The following LRRC49 variants were observed in gnomAD, a reference collection of about 807,000 sequenced individuals.
LRRC49 encodes leucine rich repeat containing 49.
LRRC49 carries 50 observed loss-of-function variants against 83.3 expected under a neutral mutation model. That is an observed-to-expected ratio of 0.60 (90% CI 0.48 to 0.76). The LOEUF is 0.76. Ranked by LOEUF, LRRC49 falls within the 30% of genes least tolerant of loss-of-function variation. The probability of loss-of-function intolerance (pLI) is 0.00; values close to 1 mark genes in which losing one functional copy is unlikely to be tolerated. For missense variants in LRRC49, 704 were observed against 809.1 expected (o/e 0.87, Z 1.58); for synonymous variants, 286 against 283.3 (o/e 1.01, Z -0.10).
At chr15:70,882,802 C>G in intron 2 of LRRC49, 1 of 1,614,110 alleles carries the variant, frequency 6.2e-7, no homozygotes, top group Non-Finnish European at 8.5e-7. Context: ...AATTTGTGTA[C>G]TTTTATGCAC....
At chr15:70,926,682 CA>C (rs1170393844) in intron 7 of LRRC49, among the ~76,000 whole-genome samples, 5 of 151,682 alleles carry the variant, frequency 3.3e-5, no homozygotes, top group African/African-American at 1.2e-4. Flanking sequence ...CCCCACCCCA[CA>C]ACAGGCCCCA....
At chr15:70,886,264 G>T (rs1451291508) in intron 2 of LRRC49, among the ~76,000 whole-genome samples, 4 of 152,094 alleles carry the variant, frequency 2.6e-5, no homozygotes, top group South Asian at 4.1e-4. Flanking sequence ...TTAATATCAT[G>T]CAAAAGGTAT....
At chr15:70,904,479 C>T (rs921969311) in intron 4 of LRRC49, 73 bp from the exon 5 acceptor site, 7 of 1,000,160 alleles carry the variant, frequency 7.0e-6, no homozygotes, top group Admixed American at 2.0e-5. Flanking sequence ...CACAAAGATA[C>T]TACTAATAAT....
At chr15:70,914,294 A>G (rs919160459) in intron 6 of LRRC49, among the ~76,000 whole-genome samples, 8 of 152,170 alleles carry the variant, frequency 5.3e-5, no homozygotes, top group African/African-American at 1.9e-4. Flanking sequence ...TCTTATAGTA[A>G]AGAAGCTAAA....
At chr15:70,892,761 G>T, upstream of LRRC49, 1 of 1,580,054 alleles carries the variant, frequency 6.3e-7, no homozygotes, top group South Asian at 1.2e-5. Flanking sequence ...GAGAGGTCCA[G>T]ACCGGAAATG....
chr15:71,024,596 T>C (rs547867704), intron 14 of LRRC49, among the ~76,000 whole-genome samples: 1 of 150,254 alleles, frequency 6.7e-6, no homozygotes, highest in East Asian at 2.0e-4. Flanking sequence ...AAGAACCCCA[T>C]CCAAAGGTCA....
At chr15:70,875,001 T>C (rs2033122568) in intron 2 of LRRC49, among the ~76,000 whole-genome samples, 1 of 152,252 alleles carries the variant, frequency 6.6e-6, no homozygotes, top group South Asian at 2.1e-4. Context: ...CACATCCAGC[T>C]TCATTATTCA....
At chr15:71,032,718 A>G (rs1184894002) in intron 14 of LRRC49, among the ~76,000 whole-genome samples, 3 of 152,158 alleles carry the variant, frequency 2.0e-5, no homozygotes, top group Non-Finnish European at 4.4e-5. Flanking sequence ...TAGGCAAATC[A>G]ATAAACGTAA....
intron 14 of LRRC49, among the ~76,000 whole-genome samples, chr15:71,027,317 C>A (rs915601732): frequency 1.3e-5 from 2 of 152,114 alleles, no homozygotes; most frequent in Non-Finnish European, 2.9e-5. Flanking sequence ...TGTTTTGGTA[C>A]CAGTACCATG....
intron 14 of LRRC49, among the ~76,000 whole-genome samples, chr15:71,015,328 A>G (rs1336541940): frequency 2.0e-5 from 3 of 152,148 alleles, no homozygotes; most frequent in African/African-American, 7.2e-5. Context: ...GTGACAGACA[A>G]TTTTGCCATG....
intron 8 of LRRC49, among the ~76,000 whole-genome samples, chr15:70,962,146 T>G (rs2036624169): frequency 1.3e-5 from 2 of 152,162 alleles, no homozygotes; most frequent in South Asian, 4.1e-4. Context: ...ACATACATAT[T>G]GGAATTGAAT....
At chr15:70,871,845 G>A (rs1361228256) in intron 1 of LRRC49, among the ~76,000 whole-genome samples, 2 of 150,616 alleles carry the variant, frequency 1.3e-5, no homozygotes, top group Non-Finnish European at 3.0e-5. Context: ...ATGGGCGGCC[G>A]GGCAGAGACG....
chr15:70,861,691 AGCTTTACCT>A (rs1048945939), intron 1 of LRRC49, among the ~76,000 whole-genome samples: 4 of 152,208 alleles, frequency 2.6e-5, no homozygotes, highest in Non-Finnish European at 5.9e-5. Flanking sequence ...AGTATATTCA[AGCTTTACCT>A]GCCATTTATG....
At chr15:70,961,497 C>G (rs1390440331) in intron 8 of LRRC49, among the ~76,000 whole-genome samples, 1 of 152,246 alleles carries the variant, frequency 6.6e-6, no homozygotes, top group South Asian at 2.1e-4. Flanking sequence ...TGGAAGCAGC[C>G]AAGATGTCCT....
chr15:70,876,627 C>A (rs2033157820), intron 2 of LRRC49, among the ~76,000 whole-genome samples: 1 of 152,136 alleles, frequency 6.6e-6, no homozygotes, highest in South Asian at 2.1e-4. Flanking sequence ...GTTCTTGTTA[C>A]CCACACTTGA....
intron 12 of LRRC49, chr15:71,009,565 CTG>C (rs1306559932): frequency 1.2e-5 from 4 of 342,208 alleles, no homozygotes; most frequent in Non-Finnish European, 2.1e-5. Flanking sequence ...ATAAGTGAGA[CTG>C]TCATTTGTAG....
At chr15:70,959,296 C>G (rs1221741678) in intron 8 of LRRC49, among the ~76,000 whole-genome samples, 1 of 152,016 alleles carries the variant, frequency 6.6e-6, no homozygotes, top group African/African-American at 2.4e-5. Context: ...AGTTCAAGAC[C>G]AGCCTGGCCA....
At chr15:70,966,274 T>C (rs767725569) in intron 9 of LRRC49, among the ~76,000 whole-genome samples, 14 of 152,142 alleles carry the variant, frequency 9.2e-5, no homozygotes, top group Non-Finnish European at 7.4e-5. Context: ...CAGAGGATGC[T>C]GCAGTGAACT....
chr15:70,873,687 T>C (rs933474357), intron 2 of LRRC49, among the ~76,000 whole-genome samples: 1 of 152,162 alleles, frequency 6.6e-6, no homozygotes, highest in African/African-American at 2.4e-5. Context: ...GTCTCCTCCA[T>C]AGGGGGCTAG....
Sources: allele counts gnomAD v4.1 joint callset (sites outside exome capture counted in the v4.1 genomes callset), GRCh38; gene constraint gnomAD v4.1.1; transcripts MANE v1.5; gene names NCBI Gene and HGNC (gene_info 2026-07-23, HGNC 2026-07-21).